ATRNL1: variants seen among roughly 807,000 people sequenced by gnomAD.
ATRNL1 encodes the protein attractin-like protein 1.
ATRNL1 carries 95 observed loss-of-function variants against 182.7 expected under a neutral mutation model. The ratio of observed to expected loss-of-function variants is 0.52; its 90% CI spans 0.44 to 0.62. The LOEUF (loss-of-function observed/expected upper bound fraction) is 0.62. Among genes scored for constraint, ATRNL1 ranks in the 20% least tolerant of loss-of-function variants. The pLI is 0.00. For synonymous variants in ATRNL1, 576 were observed against 568.3 expected, an observed-to-expected ratio of 1.01 and a Z score of -0.19; for missense variants, 1,471 against 1,679.5, an observed-to-expected ratio of 0.88 and a Z score of 2.17.
intron 26 of ATRNL1, among the ~76,000 whole-genome samples, chr10:115,621,797 G>A (rs1163012485): frequency 6.6e-6 from 1 of 152,178 alleles, no homozygotes; most frequent in African/African-American, 2.4e-5. Context: ...AATTTAAAGT[G>A]TATACTTACC....
intron 19 of ATRNL1, among the ~76,000 whole-genome samples, chr10:115,370,250 A>T (rs556283578): frequency 6.6e-6 from 1 of 152,316 alleles, no homozygotes; most frequent in Non-Finnish European, 1.5e-5. Flanking sequence ...AAATGGACTA[A>T]TACAGTAAAT....
At chr10:115,476,530 T>C (rs1353936862) in intron 24 of ATRNL1, among the ~76,000 whole-genome samples, 2 of 151,368 alleles carry the variant, frequency 1.3e-5, no homozygotes, top group African/African-American at 2.4e-5. Context: ...TTTTTAATAT[T>C]GTCAGATTTT....
chr10:115,264,065 G>A (rs1230286182), intron 10 of ATRNL1, among the ~76,000 whole-genome samples: 4 of 150,442 alleles, frequency 2.7e-5, no homozygotes, highest in African/African-American at 9.7e-5. Flanking sequence ...ATTGTTCTCA[G>A]TCTTTCAGCA....
chr10:115,332,914 C>T (rs1271765416), intron 18 of ATRNL1, among the ~76,000 whole-genome samples: 2 of 152,066 alleles, frequency 1.3e-5, no homozygotes. Context: ...ACCCAGATTT[C>T]TCCATCTTAG....
intron 15 of ATRNL1, among the ~76,000 whole-genome samples, chr10:115,292,801 T>C (rs992465919): frequency 3.2e-4 from 49 of 152,154 alleles, no homozygotes; most frequent in Admixed American, 1.9e-3. Flanking sequence ...TCCTGGAGAA[T>C]GTTCCACATG....
At chr10:115,464,860 A>G (rs1554970483) in intron 22 of ATRNL1, among the ~76,000 whole-genome samples, 1 of 151,774 alleles carries the variant, frequency 6.6e-6, no homozygotes, top group African/African-American at 2.4e-5. Flanking sequence ...TCCACTCCTC[A>G]GAGCATGTCC....
rs1213588749 is a variant in ATRNL1 at position 115,220,414 on chromosome 10, C to T, written c.1532+4534C>T. The T allele has an allele frequency of 2.0e-5, 3 of 152,094 alleles. No individual in the cohort carries two copies. In the East Asian group the frequency reaches 5.8e-4, roughly 29 times the overall value. The allele number at this position is 152,094 out of a possible 1,614,324, so 9.4% of individuals were successfully genotyped here. ...TGTGGTGAAGCAGTTTTGAAGGTTT[C>T]ATGGTTTCATTGGATGGCTGGTTGC... On this transcript the variant is annotated intron_variant, in intron 9 of 28. Transcript: ENST00000355044.
chr10:115,833,343 G>A (rs1950599707), intron 27 of ATRNL1, among the ~76,000 whole-genome samples: 1 of 152,120 alleles, frequency 6.6e-6, no homozygotes, highest in Non-Finnish European at 1.5e-5. Context: ...GTAGAGCCAA[G>A]ATTCAAACTT....
At chr10:115,781,621 A>G (rs1286459216) in intron 27 of ATRNL1, among the ~76,000 whole-genome samples, 1 of 152,208 alleles carries the variant, frequency 6.6e-6, no homozygotes, top group African/African-American at 2.4e-5. Flanking sequence ...CTCATCTATG[A>G]TAGTACAAGC....
intron 13 of ATRNL1, among the ~76,000 whole-genome samples, chr10:115,270,436 A>T (rs1017094901): frequency 2.1e-5 from 3 of 145,574 alleles, no homozygotes; most frequent in Non-Finnish European, 4.5e-5. Context: ...TTTATATATA[A>T]TCTATAATAT....
intron 28 of ATRNL1, among the ~76,000 whole-genome samples, chr10:115,927,818 T>A (rs1953280525): frequency 6.6e-6 from 1 of 152,036 alleles, no homozygotes; most frequent in Non-Finnish European, 1.5e-5. Flanking sequence ...AAAACCTAAA[T>A]TTTCATGTTA....
intron 21 of ATRNL1, among the ~76,000 whole-genome samples, chr10:115,448,937 C>T (rs1319212761): frequency 6.6e-6 from 1 of 151,988 alleles, no homozygotes; most frequent in Non-Finnish European, 1.5e-5. Flanking sequence ...ACCAAGTGTA[C>T]AAAGAAGAGC....
chr10:115,111,895 G>T (rs1844272495), intron 1 of ATRNL1, among the ~76,000 whole-genome samples: 1 of 152,004 alleles, frequency 6.6e-6, no homozygotes, highest in African/African-American at 2.4e-5. Context: ...CTCATTTATG[G>T]GCCAAGTTAG....
intron 14 of ATRNL1, among the ~76,000 whole-genome samples, chr10:115,283,805 A>C (rs1564879356): frequency 2.6e-5 from 4 of 152,208 alleles, no homozygotes; most frequent in Admixed American, 1.3e-4. Flanking sequence ...AAATGATAGT[A>C]AAGTTACTTT....
At chr10:115,628,104 A>T (rs908523675) in intron 26 of ATRNL1, among the ~76,000 whole-genome samples, 4 of 150,238 alleles carry the variant, frequency 2.7e-5, no homozygotes, top group Non-Finnish European at 5.9e-5. Context: ...CCAAGATCGC[A>T]CCACTGCACT....
intron 25 of ATRNL1, among the ~76,000 whole-genome samples, chr10:115,542,338 G>T (rs782562567): frequency 4.1e-4 from 63 of 152,024 alleles, no homozygotes; most frequent in Admixed American, 8.5e-4. Context: ...TTTCATAAAT[G>T]ATATCTAGTA....
intron 19 of ATRNL1, among the ~76,000 whole-genome samples, chr10:115,353,460 T>C (rs1188827293): frequency 6.6e-6 from 1 of 152,176 alleles, no homozygotes; most frequent in African/African-American, 2.4e-5. Flanking sequence ...GTTGTTTTTA[T>C]AGCTAAAGTA....
chr10:115,830,298 C>T (rs1410580047), intron 27 of ATRNL1, among the ~76,000 whole-genome samples: 1 of 152,146 alleles, frequency 6.6e-6, no homozygotes, highest in African/African-American at 2.4e-5. Flanking sequence ...ATAAATGGAT[C>T]ATTGGCAACC....
rs1554882870 is a variant in ATRNL1 at position 115,160,066 on chromosome 10, T to C, written c.856T>C (p.Ser286Pro). The stretch of plus-strand genomic sequence containing the variant: ...TCCTGATTGTTCTTTGAATGTTCCC[T>C]CTACTGAGTCTTACTGGATTCTGCC... ...QGPDCSLNVP[S>P]TESYWILPNV... Residue 286 changes from serine (S) to proline (P), a missense_variant, in exon 6 of 29, where the codon TCT (serine) becomes CCT (proline). Ser to Pro is a moderately conservative substitution (Grantham distance 74). This residue lies in a region of ATRNL1 where 1,031 missense variants were observed against 1,156.0 expected (regional missense o/e 0.89). Transcript: ENST00000355044. 6.2e-7 allele frequency: 1 copy of C among 1,610,988 alleles called. No homozygotes were observed. The highest frequency in any genetic ancestry group is 8.5e-7 in the Non-Finnish European group (1 of 1,178,482).
Sources: gnomAD v4.1 joint callset for allele counts (sites outside exome capture counted in the v4.1 genomes callset) on GRCh38, gnomAD v4.1.1 for gene constraint, gnomAD v4.1.1 regional missense constraint, MANE v1.5 for transcripts, NCBI Gene and HGNC (gene_info 2026-07-23, HGNC 2026-07-21) for gene names.